Variants in PBX3 observed in about 807,000 individuals in gnomAD.
PBX3 encodes pre-B-cell leukemia transcription factor 3.
A neutral mutation model predicts 48.5 loss-of-function variants in PBX3; 14 were observed. The ratio of observed to expected loss-of-function variants is 0.29; its 90% CI spans 0.19 to 0.45. The LOEUF (loss-of-function observed/expected upper bound fraction) is 0.45. Among genes scored for constraint, PBX3 ranks in the 20% least tolerant of loss-of-function variants. The pLI is 1.00. For missense variants in PBX3, 386 were observed against 546.7 expected, an observed-to-expected ratio of 0.71 and a Z score of 2.93; for synonymous variants, 210 against 200.3, an observed-to-expected ratio of 1.05 and a Z score of -0.41.
chr9:125,751,084 A>G (rs775643928), intron 2 of PBX3, among the ~76,000 whole-genome samples: 3 of 152,220 alleles, frequency 2.0e-5, no homozygotes, highest in Non-Finnish European at 4.4e-5. Flanking sequence ...TGTAGAATAT[A>G]TGTATATTGC....
chr9:125,754,792 T>C (rs2131956972), intron 2 of PBX3, among the ~76,000 whole-genome samples: 1 of 152,196 alleles, frequency 6.6e-6, no homozygotes, highest in East Asian at 1.9e-4. Flanking sequence ...AAAATTGGTG[T>C]GATAGAATGT....
chr9:125,794,153 T>C (rs142159928), intron 2 of PBX3, among the ~76,000 whole-genome samples: 3,664 of 152,296 alleles, frequency 0.024, 63 homozygotes, highest in Middle Eastern at 0.051. Flanking sequence ...GTTTAAGTTA[T>C]GGAAATGCGG....
chr9:125,849,319 G>A (rs1839513668), intron 2 of PBX3, among the ~76,000 whole-genome samples: 1 of 151,416 alleles, frequency 6.6e-6, no homozygotes. Flanking sequence ...TTATGTAGCA[G>A]CATATCCATA....
chr9:125,907,669 G>C (rs1042101138), intron 2 of PBX3, among the ~76,000 whole-genome samples: 2 of 151,982 alleles, frequency 1.3e-5, no homozygotes, highest in African/African-American at 2.4e-5. Flanking sequence ...TTGAGTCTAG[G>C]CTACTCTGAC....
At chr9:125,775,617 T>G (rs1837052445) in intron 2 of PBX3, among the ~76,000 whole-genome samples, 2 of 152,212 alleles carry the variant, frequency 1.3e-5, no homozygotes, top group Admixed American at 6.5e-5. Flanking sequence ...CTATCCTTAT[T>G]CCATTAGTAC....
At chr9:125,802,211 A>T (rs1319360433) in intron 2 of PBX3, among the ~76,000 whole-genome samples, 1 of 151,902 alleles carries the variant, frequency 6.6e-6, no homozygotes, top group East Asian at 1.9e-4. Flanking sequence ...TGATCTTGTC[A>T]CCCAGGTAGT....
rs1842548643 is a variant in PBX3 at position 125,967,082 on chromosome 9, T to G, written c.*1159T>G. On this transcript the variant is annotated 3_prime_UTR_variant, in exon 9 of 9. Transcript: ENST00000373489. ...TGAATGTTCTTCATCTTATTACTAA[T>G]CCATGCAAAAAAAAAAAAAAAAGCA... 2 of 125,728 alleles carry G rather than the reference T, an allele frequency of 1.6e-5. No homozygotes were observed. Among genetic ancestry groups the G allele is most frequent in the Non-Finnish European group, 3.2e-5 (2 of 63,338 alleles). 7.8% of individuals were successfully genotyped at this position (125,728 alleles called of 1,614,324 possible). A position where few individuals can be genotyped will look rare whatever the true frequency, so the allele number is the denominator to read the frequency against.
At chr9:125,869,783 A>G (rs936613760) in intron 2 of PBX3, among the ~76,000 whole-genome samples, 1 of 152,248 alleles carries the variant, frequency 6.6e-6, no homozygotes, top group African/African-American at 2.4e-5. Context: ...AAAAACCCTC[A>G]GAAGGAATGT....
At chr9:125,806,395 C>T (rs1265424638) in intron 2 of PBX3, among the ~76,000 whole-genome samples, 1 of 152,026 alleles carries the variant, frequency 6.6e-6, no homozygotes, top group Admixed American at 6.6e-5. Flanking sequence ...ATTTCTTTTT[C>T]ACAGTTCTGG....
chr9:125,836,393 C>T (rs765493542), intron 2 of PBX3, among the ~76,000 whole-genome samples: 2 of 151,698 alleles, frequency 1.3e-5, no homozygotes, highest in African/African-American at 2.4e-5. Context: ...TGCAGTGAGC[C>T]GAGATTGCAT....
chr9:125,810,820 T>A (rs1838268153), intron 2 of PBX3, among the ~76,000 whole-genome samples: 1 of 152,150 alleles, frequency 6.6e-6, no homozygotes, highest in Admixed American at 6.6e-5. Flanking sequence ...CTGATGAAGG[T>A]GGAAGAACTG....
intron 3 of PBX3, among the ~76,000 whole-genome samples, chr9:125,921,225 TC>T (rs1217051086): frequency 1.3e-5 from 2 of 152,210 alleles, no homozygotes; most frequent in Admixed American, 1.3e-4. Context: ...TCCCTTTTTT[TC>T]CTTCGAGTTA....
chr9:125,816,158 G>T (rs756175509), intron 2 of PBX3, among the ~76,000 whole-genome samples: 1 of 151,996 alleles, frequency 6.6e-6, no homozygotes, highest in Admixed American at 6.5e-5. Context: ...GGCTAATTTT[G>T]GTTTTTGTTT....
At chr9:125,937,700 A>T (rs1841869838) in intron 5 of PBX3, among the ~76,000 whole-genome samples, 1 of 152,224 alleles carries the variant, frequency 6.6e-6, no homozygotes, top group South Asian at 2.1e-4. Flanking sequence ...TCGCTCTGTC[A>T]CACAGGCTGG....
intron 3 of PBX3, among the ~76,000 whole-genome samples, chr9:125,917,329 C>T (rs1841356188): frequency 1.3e-5 from 2 of 152,142 alleles, no homozygotes; most frequent in African/African-American, 4.8e-5. Flanking sequence ...TATCAGCATC[C>T]CCCACCAGAG....
At chr9:125,899,233 A>T (rs551737774) in intron 2 of PBX3, among the ~76,000 whole-genome samples, 6 of 86,502 alleles carry the variant, frequency 6.9e-5, no homozygotes, top group African/African-American at 1.9e-4. Context: ...ATATATTTAT[A>T]TATAAATATA....
intron 2 of PBX3, among the ~76,000 whole-genome samples, chr9:125,817,592 G>A (rs942139188): frequency 1.3e-5 from 2 of 152,114 alleles, no homozygotes; most frequent in African/African-American, 4.8e-5. Context: ...TGATAACGGT[G>A]CATTCTAGAA....
chr9:125,862,514 G>A (rs1457602268), intron 2 of PBX3, among the ~76,000 whole-genome samples: 6 of 151,962 alleles, frequency 3.9e-5, no homozygotes, highest in Non-Finnish European at 7.4e-5. Flanking sequence ...AGCCTCCTAA[G>A]TAGCTAGGAT....
chr9:125,893,770 GT>G, intron 2 of PBX3, among the ~76,000 whole-genome samples: 1 of 152,242 alleles, frequency 6.6e-6, no homozygotes, highest in East Asian at 1.9e-4. Context: ...AAATCTTGAT[GT>G]GCAGCACACC....
Sources: allele counts gnomAD v4.1 joint callset (sites outside exome capture counted in the v4.1 genomes callset), GRCh38; gene constraint gnomAD v4.1.1; transcripts MANE v1.5; gene names NCBI Gene and HGNC (gene_info 2026-07-23, HGNC 2026-07-21).